FOXN4: variants seen among roughly 807,000 people sequenced by gnomAD.
The protein encoded by FOXN4 is forkhead box N4, also known as forkhead box protein N4.
FOXN4 carries 12 observed loss-of-function variants against 45.0 expected under a neutral mutation model. The ratio of observed to expected loss-of-function variants is 0.27; its 90% CI spans 0.17 to 0.43. FOXN4 has a LOEUF of 0.43. FOXN4 is among the 20% of genes least tolerant of loss of function. The pLI, the probability that FOXN4 is intolerant of heterozygous loss-of-function variation, is 1.00. For synonymous variants in FOXN4, 297 were observed against 295.0 expected, an observed-to-expected ratio of 1.01 and a Z score of -0.07; for missense variants, 560 against 694.9, an observed-to-expected ratio of 0.81 and a Z score of 2.18.
intron 8 of FOXN4, among the ~76,000 whole-genome samples, chr12:109,283,276 GTC>G (rs2047670007): frequency 6.6e-6 from 1 of 151,982 alleles, no homozygotes; most frequent in African/African-American, 2.4e-5. Flanking sequence ...GTTATCAATG[GTC>G]TCTCCATTCA....
Position 109,287,283 on chromosome 12 carries a change from T to G in FOXN4, c.596+114A>C. On this transcript the variant is annotated intron_variant, in intron 6 of 9. Transcript: ENST00000299162. The surrounding 1 kb of genome is among the most constrained non-coding windows in gnomAD (Gnocchi z 4.1). ...TGGGGGTTCCCCACTCCCCAAAACC[T>G]CCCCCTTGGAAGTCTGGGCTGCCAC... 3 of 1,391,492 alleles carry G rather than the reference T, an allele frequency of 2.2e-6. No homozygotes were observed. Among genetic ancestry groups the G allele is most frequent in the Non-Finnish European group, 2.9e-6 (3 of 1,027,838 alleles). 86.2% of individuals were successfully genotyped at this position (1,391,492 alleles called of 1,614,324 possible). A position where few individuals can be genotyped will look rare whatever the true frequency, so the allele number is the denominator to read the frequency against.
Position 109,281,742 on chromosome 12 carries a change from G to C in FOXN4, c.959C>G (p.Pro320Arg). The C allele has an allele frequency of 6.2e-7, 1 of 1,606,146 alleles. No homozygotes were observed. The highest frequency in any genetic ancestry group is 8.5e-7 in the Non-Finnish European group (1 of 1,176,472). The part of the protein sequence containing the change: ...RPESCRRPGK[P>R]GEPEAPVLTH... ...CAGCACGGGGGCCTCTGGTTCCCCC[G>C]GTTTGCCGGGGCGCCGGCAGCTTTC... The change falls in exon 9 of 10, where the codon CCG becomes CGG. Residue 320 changes from proline (P) to arginine (R), a missense_variant. This residue lies in a region of FOXN4 where 315 missense variants were observed against 350.5 expected (regional missense o/e 0.90). Coordinates refer to ENST00000299162, the MANE Select transcript of FOXN4 (RefSeq NM_213596.3).
intron 2 of FOXN4, among the ~76,000 whole-genome samples, chr12:109,303,929 G>A (rs572188212): frequency 1.1e-3 from 174 of 152,148 alleles, no homozygotes; most frequent in African/African-American, 4.0e-3. Context: ...AAAGTGGCAC[G>A]CCTGTAATCC....
rs113524247 is a variant in FOXN4 at position 109,282,817 on chromosome 12, G to C, written c.902-1018C>G. On this transcript the variant is annotated intron_variant, in intron 8 of 9. Coordinates refer to ENST00000299162, the MANE Select transcript of FOXN4 (RefSeq NM_213596.3). ...ACTGGTAGGGTCCCCAGATCTATTT[G>C]GGTTGTACCCATTTGAGAAATGAGA... Among the ~76,000 whole-genome samples the C allele has an allele frequency of 8.9e-3, 1,360 of 152,232 alleles. 19 individuals carry two copies. Among genetic ancestry groups the C allele is most frequent in the African/African-American group, 0.031 (1,289 of 41,510 alleles).
intron 2 of FOXN4, among the ~76,000 whole-genome samples, chr12:109,306,811 T>C (rs1200196249): frequency 6.6e-6 from 1 of 152,194 alleles, no homozygotes; most frequent in African/African-American, 2.4e-5. Flanking sequence ...GAAGTTGGGA[T>C]TATAATGGAC....
At chr12:109,308,448 T>TC (rs1669715985) in intron 1 of FOXN4, 124 bp from the exon 2 acceptor site, 1 of 605,028 alleles carries the variant, frequency 1.7e-6, no homozygotes, top group Non-Finnish European at 2.7e-6. Flanking sequence ...ACTTTTTTTT[T>TC]CTTTAAAGAA....
At chr12:109,299,383 A>C (rs1014242787) in intron 2 of FOXN4, among the ~76,000 whole-genome samples, 1 of 152,080 alleles carries the variant, frequency 6.6e-6, no homozygotes, top group Non-Finnish European at 1.5e-5. Context: ...CACACACACA[A>C]CACACATATG....
rs1426165342 is a variant in FOXN4, at chr12:109,290,583, C to T, written c.87-297G>A. On this transcript the variant is annotated intron_variant, in intron 2 of 9. Transcript: ENST00000299162. This position sits in a 1 kb window ranked among gnomAD's most constrained non-coding sequence, Gnocchi z 5.1. ...TGAGGACTTGACCAGTGCCAGACAC[C>T]GATCAAGCCTTTTTACACTCCCAGT... 4.6e-5 allele frequency among the ~76,000 whole-genome samples: 7 copies of T among 152,296 alleles called. No individual in the cohort carries two copies. Among genetic ancestry groups the T allele is most frequent in the South Asian group, 4.1e-4 (2 of 4,822 alleles).
At chr12:109,299,130 T>C (rs1262450201) in intron 2 of FOXN4, among the ~76,000 whole-genome samples, 1 of 152,178 alleles carries the variant, frequency 6.6e-6, no homozygotes, top group South Asian at 2.1e-4. Context: ...GGAGTCCTCA[T>C]TGGTGAGCAG....
At position 109,290,299 on chromosome 12, in the gene FOXN4, A is replaced by AC; in HGVS notation, c.87-14dup. The AC allele has an allele frequency of 6.5e-7, 1 of 1,538,700 alleles. No homozygotes were observed. Among genetic ancestry groups the AC allele is most frequent in the Non-Finnish European group, 8.8e-7 (1 of 1,138,940 alleles). ...GGTGGCTAGAAGCCTGCAAAGAGGAACAGAGAACTCGGGCGGGAGGGGGAG... is the reference window on the plus strand; with the variant it reads ...GGTGGCTAGAAGCCTGCAAAGAGGAACCAGAGAACTCGGGCGGGAGGGGGAG... On this transcript the variant is annotated splice_polypyrimidine_tract_variant and intron_variant, in intron 2 of 9. Coordinates refer to ENST00000299162, the MANE Select transcript of FOXN4 (RefSeq NM_213596.3). This position sits in a 1 kb window ranked among gnomAD's most constrained non-coding sequence, Gnocchi z 5.1.
At chr12:109,285,094 C>T (rs1386247688) in intron 8 of FOXN4, among the ~76,000 whole-genome samples, 2 of 151,738 alleles carry the variant, frequency 1.3e-5, no homozygotes, top group African/African-American at 2.4e-5. Context: ...TGCCCATGCT[C>T]CGGTGGATGG....
At chr12:109,302,234 G>A (rs576949306) in intron 2 of FOXN4, among the ~76,000 whole-genome samples, 6 of 152,256 alleles carry the variant, frequency 3.9e-5, no homozygotes, top group South Asian at 2.1e-4. Context: ...GGACCCCCAC[G>A]GCCACTGTCC....
chr12:109,279,575 G>A lies in FOXN4; in HGVS notation c.*96C>T. 1 of 1,508,096 alleles carries A rather than the reference G, an allele frequency of 6.6e-7. No individual in the cohort carries two copies. The highest frequency in any genetic ancestry group is 1.3e-5 in the South Asian group (1 of 78,246). The allele number at this position is 1,508,096 out of a possible 1,614,324, so 93.4% of individuals were successfully genotyped here. ...GCCACAGGTCCAGGAGAGGCTTCGG[G>A]GACAATGAGGGACCTGCCTTCTGGG... On this transcript the variant is annotated 3_prime_UTR_variant, in exon 10 of 10. Coordinates refer to ENST00000299162, the MANE Select transcript of FOXN4 (RefSeq NM_213596.3).
intron 2 of FOXN4, among the ~76,000 whole-genome samples, chr12:109,297,597 C>G (rs527880739): frequency 3.9e-4 from 60 of 152,218 alleles, no homozygotes; most frequent in Non-Finnish European, 6.6e-4. Flanking sequence ...CTTGGCCTCC[C>G]AAAGTGCTGG....
chr12:109,302,933 T>C (rs2047881462), intron 2 of FOXN4, among the ~76,000 whole-genome samples: 1 of 152,238 alleles, frequency 6.6e-6, no homozygotes, highest in South Asian at 2.1e-4. Flanking sequence ...GAGGTGTTTA[T>C]TTAGCTAACA....
Position 109,287,717 on chromosome 12 carries a change from G to T in FOXN4, c.468+127C>A. 8.9e-7 allele frequency: 1 copy of T among 1,124,318 alleles called. No homozygotes were observed. Among genetic ancestry groups the T allele is most frequent in the Non-Finnish European group, 1.2e-6 (1 of 810,172 alleles). 69.6% of individuals were successfully genotyped at this position (1,124,318 alleles called of 1,614,324 possible). A position where few individuals can be genotyped will look rare whatever the true frequency, so the allele number is the denominator to read the frequency against. On this transcript the variant is annotated intron_variant, in intron 5 of 9. Coordinates refer to ENST00000299162, the MANE Select transcript of FOXN4 (RefSeq NM_213596.3). The surrounding 1 kb of genome is among the most constrained non-coding windows in gnomAD (Gnocchi z 4.1). ...GGGGGAACGGAATGAATGACCCCAT[G>T]ACATGAGCATGGAGGGAATGTTATC...
At chr12:109,305,992 G>GC (rs1194339696) in intron 2 of FOXN4, among the ~76,000 whole-genome samples, 1 of 152,034 alleles carries the variant, frequency 6.6e-6, no homozygotes. Flanking sequence ...GTTGCTTAGT[G>GC]CCCCCAGACA....
chr12:109,279,586 GACCTGCCTTCTGGGAAC>G lies in FOXN4; in HGVS notation c.*68_*84del. 1.3e-6 allele frequency: 2 copies of G among 1,522,816 alleles called. No homozygotes were observed. Among genetic ancestry groups the G allele is most frequent in the Non-Finnish European group, 1.8e-6 (2 of 1,130,134 alleles). 94.3% of individuals were successfully genotyped at this position (1,522,816 alleles called of 1,614,324 possible). On this transcript the variant is annotated 3_prime_UTR_variant, in exon 10 of 10. Coordinates refer to ENST00000299162, the MANE Select transcript of FOXN4 (RefSeq NM_213596.3). Reference sequence around the variant, plus strand: ...AGGAGAGGCTTCGGGGACAATGAGGGACCTGCCTTCTGGGAACACCCTGTTCTAGTCAGTTCTCTGCC... The same window carrying G: ...AGGAGAGGCTTCGGGGACAATGAGGGACCCTGTTCTAGTCAGTTCTCTGCC...
intron 7 of FOXN4, 81 bp from the exon 8 acceptor site, chr12:109,285,592 G>A: frequency 1.4e-6 from 2 of 1,459,534 alleles, no homozygotes; most frequent in Non-Finnish European, 1.9e-6. Flanking sequence ...AGGCCTATAG[G>A]GGCAGGACAC....
Sources: allele counts gnomAD v4.1 joint callset (sites outside exome capture counted in the v4.1 genomes callset), GRCh38; gene constraint gnomAD v4.1.1; regional missense constraint gnomAD v4.1.1; non-coding constraint Gnocchi (gnomAD v3.1); transcripts MANE v1.5; gene names NCBI Gene and HGNC (gene_info 2026-07-23, HGNC 2026-07-21).